GLT8D2: variants seen among roughly 807,000 people sequenced by gnomAD.
GLT8D2 encodes glycosyltransferase 8 domain containing 2.
A neutral mutation model predicts 44.5 loss-of-function variants in GLT8D2; 45 were observed. That is an observed-to-expected ratio of 1.01 (90% CI 0.80 to 1.30). GLT8D2 has a LOEUF of 1.30. Ranked by LOEUF, GLT8D2 falls within the 50% of genes most tolerant of loss-of-function variation. The probability of loss-of-function intolerance (pLI) is 0.00; values close to 1 mark genes in which losing one functional copy is unlikely to be tolerated. For synonymous variants in GLT8D2, 156 were observed against 157.2 expected (o/e 0.99, Z 0.06); for missense variants, 400 against 430.4 (o/e 0.93, Z 0.62).
At chr12:104,020,252 G>C (rs1007472950) in intron 2 of GLT8D2, among the ~76,000 whole-genome samples, 3 of 152,032 alleles carry the variant, frequency 2.0e-5, no homozygotes, top group Admixed American at 1.3e-4. Flanking sequence ...TGTAAAAAGA[G>C]CTCTGTCAGC....
At chr12:104,012,351 C>T (rs186886389) in intron 4 of GLT8D2, among the ~76,000 whole-genome samples, 118 of 152,078 alleles carry the variant, frequency 7.8e-4, no homozygotes, top group African/African-American at 2.6e-3. Flanking sequence ...TTTATAACAT[C>T]GATTTTAAAA....
chr12:104,035,230 GAAAATTCTA>G (rs1335153832), intron 1 of GLT8D2, among the ~76,000 whole-genome samples: 1 of 152,216 alleles, frequency 6.6e-6, no homozygotes, highest in Non-Finnish European at 1.5e-5. Context: ...CAGAAAAGCT[GAAAATTCTA>G]AAAACCAGAG....
In GLT8D2 at chr12:104,015,972, T is replaced by G. The variant is rs143835446; in HGVS notation, c.20-867A>C. Among the ~76,000 whole-genome samples the G allele has an allele frequency of 3.2e-3, 481 of 152,250 alleles. 4 individuals carry two copies. Among genetic ancestry groups the G allele is most frequent in the African/African-American group, 0.011 (446 of 41,564 alleles). ...GAGCCAAGATCACACCACTGGGCAA[T>G]AGAGCAAGACCTTCCTTCCAAAACA... On this transcript the variant is annotated intron_variant, in intron 3 of 10. Coordinates refer to ENST00000360814, the MANE Select transcript of GLT8D2 (RefSeq NM_001384711.1).
intron 1 of GLT8D2, among the ~76,000 whole-genome samples, chr12:104,047,657 T>C (rs1881318043): frequency 6.6e-6 from 1 of 152,156 alleles, no homozygotes; most frequent in East Asian, 1.9e-4. Context: ...GGTGCTGCCC[T>C]CATGACCCAA....
Position 104,022,037 on chromosome 12 carries a change from AGAAGAAGAAGAAGAAGAAGGG to A in GLT8D2, c.-163-567_-163-547del, listed in dbSNP as rs1259504794. Among the ~76,000 whole-genome samples, 391 of 135,094 alleles carry A rather than the reference AGAAGAAGAAGAAGAAGAAGGG, an allele frequency of 2.9e-3. 50 individuals are homozygous for A. Among genetic ancestry groups the A allele is most frequent in the African/African-American group, 0.012 (376 of 31,458 alleles). The allele number at this position is 135,094 out of a possible 152,430, so 88.6% of individuals were successfully genotyped here. On this transcript the variant is annotated intron_variant, in intron 1 of 10. Transcript: ENST00000360814. ...AAGAAGAAGAAAAAGAAGAAGAAGA[AGAAGAAGAAGAAGAAGAAGGG>A]AAAGAAAGAAAGAAAGAAAAAAAAA...
At chr12:104,032,563 C>A (rs1373967979) in intron 1 of GLT8D2, among the ~76,000 whole-genome samples, 3 of 146,676 alleles carry the variant, frequency 2.0e-5, no homozygotes, top group Admixed American at 1.4e-4. Flanking sequence ...TGAAAAGATA[C>A]TAAACATCAC....
At chr12:104,009,206 T>C (rs1875495123) in intron 4 of GLT8D2, among the ~76,000 whole-genome samples, 2 of 152,306 alleles carry the variant, frequency 1.3e-5, no homozygotes, top group East Asian at 3.9e-4. Flanking sequence ...TGAAAGCAGC[T>C]GGGAGGGAGG....
In GLT8D2 at chr12:103,991,435, G is replaced by A. The variant is rs138842722; in HGVS notation, c.881-1858C>T. ...ACTCCTGACCTCAAGTGATCCACCC[G>A]CTTCAACCTCCCAAAGTACTGGGAT... On this transcript the variant is annotated intron_variant, in intron 10 of 10. Transcript: ENST00000360814. 9.5e-3 allele frequency among the ~76,000 whole-genome samples: 1,440 copies of A among 152,138 alleles called. 15 individuals carry two copies. The highest frequency in any genetic ancestry group is 0.015 in the Non-Finnish European group (1,035 of 68,010).
intron 4 of GLT8D2, among the ~76,000 whole-genome samples, chr12:104,010,373 G>A (rs1875676259): frequency 6.6e-6 from 1 of 152,212 alleles, no homozygotes; most frequent in African/African-American, 2.4e-5. Context: ...ATCCTTTTCT[G>A]CATGGCTAAC....
intron 1 of GLT8D2, among the ~76,000 whole-genome samples, chr12:104,035,341 T>C (rs1250112680): frequency 6.6e-6 from 1 of 152,204 alleles, no homozygotes; most frequent in Non-Finnish European, 1.5e-5. Flanking sequence ...AGAAGTAGGC[T>C]TCAGAAGGTT....
At chr12:104,033,054 A>G (rs1012230109) in intron 1 of GLT8D2, among the ~76,000 whole-genome samples, 1 of 151,028 alleles carries the variant, frequency 6.6e-6, no homozygotes, top group Non-Finnish European at 1.5e-5. Flanking sequence ...TAATTTTTGT[A>G]TATTTTTAGT....
At chr12:104,030,811 C>T (rs1879152589) in intron 1 of GLT8D2, 4 of 1,603,686 alleles carry the variant, frequency 2.5e-6, no homozygotes, top group Non-Finnish European at 3.4e-6. Context: ...TGATCCGGCA[C>T]GGCGAGAGCG....
chr12:104,050,818 C>CTTT (rs34098361), upstream of GLT8D2, among the ~76,000 whole-genome samples: 1,645 of 144,424 alleles, frequency 0.011, 35 homozygotes, highest in East Asian at 0.031. Context: ...TGTAATTTTA[C>CTTT]TTTTTTTTTT....
At chr12:104,017,071 A>G (rs1414376168) in intron 3 of GLT8D2, among the ~76,000 whole-genome samples, 1 of 152,202 alleles carries the variant, frequency 6.6e-6, no homozygotes, top group Non-Finnish European at 1.5e-5. Flanking sequence ...CTGGTTGTGC[A>G]TGAAATGACT....
intron 1 of GLT8D2, among the ~76,000 whole-genome samples, chr12:104,024,264 T>TG (rs748991287): frequency 4.0e-5 from 6 of 151,636 alleles, no homozygotes; most frequent in Non-Finnish European, 8.8e-5. Context: ...AAAACAAATG[T>TG]GGGGAGTTAG....
chr12:104,035,963 C>T (rs959600192), intron 1 of GLT8D2, among the ~76,000 whole-genome samples: 1 of 152,202 alleles, frequency 6.6e-6, no homozygotes, highest in African/African-American at 2.4e-5. Context: ...AGACTAACAG[C>T]AGATCTCTCA....
At position 104,016,709 on chromosome 12, in the gene GLT8D2, GA is replaced by G. The variant is rs1876685106; in HGVS notation, c.20-1605del. On this transcript the variant is annotated intron_variant, in intron 3 of 10. Transcript: ENST00000360814. ...AAAGAAAGAAAGAAAGAAAGGGAGA[GA>G]GAAAGAAAGAAAGAAAGAAAGAAAG... Among the ~76,000 whole-genome samples, 5 of 72,768 alleles carry G rather than the reference GA, an allele frequency of 6.9e-5. 1 individual carries two copies. In the South Asian group the frequency reaches 2.7e-3, roughly 39 times the overall value. The allele number at this position is 72,768 out of a possible 152,430, so 47.7% of individuals were successfully genotyped here. A position where few individuals can be genotyped will look rare whatever the true frequency, so the allele number is the denominator to read the frequency against.
At chr12:104,031,385 G>A in intron 1 of GLT8D2, 1 of 1,609,304 alleles carries the variant, frequency 6.2e-7, no homozygotes, top group Non-Finnish European at 8.5e-7. Context: ...TCTCTCTGAA[G>A]AGGCTATCAT....
intron 1 of GLT8D2, among the ~76,000 whole-genome samples, chr12:104,062,831 A>T (rs1342476759): frequency 6.6e-6 from 1 of 152,184 alleles, no homozygotes; most frequent in Non-Finnish European, 1.5e-5. Context: ...AAGATATACA[A>T]TATGAAGTTG....
Sources: allele counts gnomAD v4.1 joint callset (sites outside exome capture counted in the v4.1 genomes callset), GRCh38; gene constraint gnomAD v4.1.1; transcripts MANE v1.5; gene names NCBI Gene and HGNC (gene_info 2026-07-23, HGNC 2026-07-21).